HDAC9: variants seen among roughly 807,000 people sequenced by gnomAD.
HDAC9 encodes MEF-2 interacting transcription repressor (MITR) protein.
HDAC9 carries 41 observed loss-of-function variants against 139.4 expected under a neutral mutation model. That is an observed-to-expected ratio of 0.29 (90% CI 0.23 to 0.38). The LOEUF (loss-of-function observed/expected upper bound fraction) is 0.38. HDAC9 is among the 10% of genes least tolerant of loss of function. The pLI is 1.00. For missense variants in HDAC9, 1,147 were observed against 1,297.0 expected (o/e 0.88, Z 1.78); for synonymous variants, 517 against 476.2 (o/e 1.09, Z -1.12).
chr7:18,655,656 C>A (rs1480976748), intron 11 of HDAC9, among the ~76,000 whole-genome samples: 2 of 152,154 alleles, frequency 1.3e-5, no homozygotes, highest in Non-Finnish European at 2.9e-5. Flanking sequence ...ATGACCATTT[C>A]AGTGGATTAA....
chr7:18,412,428 C>T (rs932969166), intron 1 of HDAC9, among the ~76,000 whole-genome samples: 1 of 152,022 alleles, frequency 6.6e-6, no homozygotes, highest in Admixed American at 6.6e-5. Context: ...GAAGGCTTCC[C>T]ACAGTACTAT....
intron 23 of HDAC9, among the ~76,000 whole-genome samples, chr7:18,940,869 A>C (rs1781979140): frequency 6.6e-6 from 1 of 152,152 alleles, no homozygotes. Flanking sequence ...AAAACATTGA[A>C]AAACTTCAAG....
chr7:18,094,185 G>A (rs537080044), intron 1 of HDAC9, among the ~76,000 whole-genome samples: 10 of 152,274 alleles, frequency 6.6e-5, no homozygotes, highest in South Asian at 6.2e-4. Context: ...GGGTTCAGGT[G>A]TCCACCCTTC....
intron 2 of HDAC9, among the ~76,000 whole-genome samples, chr7:18,233,172 G>A (rs748980426): frequency 1.3e-5 from 2 of 151,980 alleles, no homozygotes; most frequent in Non-Finnish European, 2.9e-5. Flanking sequence ...ATACATCAGA[G>A]GATTACCTAA....
chr7:18,719,307 T>C (rs1784946533), intron 12 of HDAC9, among the ~76,000 whole-genome samples: 1 of 147,198 alleles, frequency 6.8e-6, no homozygotes, highest in Non-Finnish European at 1.5e-5. Context: ...CAATGAAGCC[T>C]AATTAACCTA....
intron 2 of HDAC9, among the ~76,000 whole-genome samples, chr7:18,545,726 T>G (rs932230680): frequency 1.3e-5 from 2 of 152,140 alleles, no homozygotes; most frequent in Admixed American, 1.3e-4. Flanking sequence ...ATTTAATAAA[T>G]TTAAGAAATA....
At chr7:18,291,156 GC>G (rs1797782088) in intron 1 of HDAC9, among the ~76,000 whole-genome samples, 1 of 151,950 alleles carries the variant, frequency 6.6e-6, no homozygotes, top group Non-Finnish European at 1.5e-5. Flanking sequence ...AATAAAAGAG[GC>G]CTAAAGTTTC....
intron 6 of HDAC9, among the ~76,000 whole-genome samples, chr7:18,616,918 A>G (rs1190454779): frequency 6.6e-6 from 1 of 152,190 alleles, no homozygotes; most frequent in African/African-American, 2.4e-5. Flanking sequence ...AGAGATAACA[A>G]TTATTAGTAA....
intron 13 of HDAC9, among the ~76,000 whole-genome samples, chr7:18,741,605 T>G (rs748171658): frequency 6.6e-6 from 1 of 151,796 alleles, no homozygotes; most frequent in Admixed American, 6.6e-5. Context: ...TAACACAGCA[T>G]CCATTCTGCA....
At chr7:18,807,198 G>A (rs886210576) in intron 17 of HDAC9, among the ~76,000 whole-genome samples, 1 of 152,072 alleles carries the variant, frequency 6.6e-6, no homozygotes, top group Non-Finnish European at 1.5e-5. Context: ...TATGTGGCTA[G>A]GAATTTATCT....
intron 22 of HDAC9, among the ~76,000 whole-genome samples, chr7:18,896,571 C>T (rs970855357): frequency 1.3e-5 from 2 of 152,026 alleles, no homozygotes; most frequent in Admixed American, 1.3e-4. Context: ...TTAAAACTGC[C>T]CAGACCCCAT....
At chr7:18,391,894 G>T (rs905249336) in intron 1 of HDAC9, among the ~76,000 whole-genome samples, 6 of 152,174 alleles carry the variant, frequency 3.9e-5, no homozygotes, top group African/African-American at 1.4e-4. Context: ...TCACAGCAGA[G>T]CCTGGTATGT....
At chr7:18,835,138 G>A (rs1488870419) in intron 19 of HDAC9, among the ~76,000 whole-genome samples, 2 of 152,078 alleles carry the variant, frequency 1.3e-5, no homozygotes, top group Non-Finnish European at 2.9e-5. Context: ...ACAAAGAGCC[G>A]GTGTATAAAT....
At chr7:18,766,178 C>T (rs139425964) in intron 15 of HDAC9, among the ~76,000 whole-genome samples, 16 of 152,232 alleles carry the variant, frequency 1.1e-4, no homozygotes, top group African/African-American at 3.1e-4. Context: ...CTGGTTCTAC[C>T]ACTGAACTGC....
chr7:18,090,733 TTCTCTCATCAGC>T (rs149446304), intron 1 of HDAC9, among the ~76,000 whole-genome samples: 6,463 of 152,266 alleles, frequency 0.042, 312 homozygotes, highest in South Asian at 0.11. Context: ...GGATGTCTAT[TTCTCTCATCAGC>T]TCTGCTTCTT....
intron 6 of HDAC9, among the ~76,000 whole-genome samples, chr7:18,598,303 A>T (rs145915318): frequency 6.6e-5 from 10 of 152,134 alleles, no homozygotes; most frequent in Admixed American, 5.9e-4. Context: ...GCATTTTTAT[A>T]TAGCTTAGTA....
chr7:18,143,192 A>G (rs552302534), intron 1 of HDAC9, among the ~76,000 whole-genome samples: 1 of 152,334 alleles, frequency 6.6e-6, no homozygotes, highest in South Asian at 2.1e-4. Context: ...ATAAATCTCT[A>G]TAATGGCATA....
intron 1 of HDAC9, among the ~76,000 whole-genome samples, chr7:18,137,686 GTGC>G (rs1286361013): frequency 6.6e-5 from 10 of 151,544 alleles, no homozygotes; most frequent in Non-Finnish European, 1.5e-4. Flanking sequence ...GCTTTTTGAT[GTGC>G]TGCTGGATTC....
At chr7:18,292,591 A>G (rs1261786254) in intron 1 of HDAC9, among the ~76,000 whole-genome samples, 2 of 152,090 alleles carry the variant, frequency 1.3e-5, no homozygotes, top group Non-Finnish European at 2.9e-5. Context: ...AAAAGTAAAT[A>G]TTGAACTGAC....
Sources: gnomAD v4.1 joint callset for allele counts (sites outside exome capture counted in the v4.1 genomes callset) on GRCh38, gnomAD v4.1.1 for gene constraint, MANE v1.5 for transcripts, NCBI Gene and HGNC (gene_info 2026-07-23, HGNC 2026-07-21) for gene names.